PARD3: variants seen among roughly 807,000 people sequenced by gnomAD.
PARD3 encodes par-3 family cell polarity regulator, also known as partitioning defective 3 homolog.
PARD3 carries 75 observed loss-of-function variants against 155.4 expected under a neutral mutation model. The ratio of observed to expected loss-of-function variants is 0.48; its 90% confidence interval spans 0.40 to 0.58. The LOEUF is 0.58. Among genes scored for constraint, PARD3 ranks in the 20% least tolerant of loss-of-function variants. PARD3 has a pLI of 0.00. For missense variants in PARD3, 1,642 were observed against 1,721.7 expected, an observed-to-expected ratio of 0.95 and a Z score of 0.82; for synonymous variants, 576 against 610.5, an observed-to-expected ratio of 0.94 and a Z score of 0.83.
chr10:34,759,508 A>T (rs1837173202), intron 1 of PARD3, among the ~76,000 whole-genome samples: 1 of 152,214 alleles, frequency 6.6e-6, no homozygotes, highest in Admixed American at 6.5e-5. Context: ...AACTTCTAGA[A>T]CTTTCCACCT....
At chr10:34,456,346 G>C (rs553893575) in intron 4 of PARD3, among the ~76,000 whole-genome samples, 2 of 152,208 alleles carry the variant, frequency 1.3e-5, no homozygotes, top group South Asian at 4.2e-4. Flanking sequence ...GCCCAGGCTG[G>C]AGTGCAGTGG....
intron 5 of PARD3, among the ~76,000 whole-genome samples, chr10:34,414,486 C>T (rs373279918): frequency 7.9e-5 from 12 of 151,936 alleles, no homozygotes; most frequent in African/African-American, 2.7e-4. Context: ...GGTCAAAACC[C>T]TAAGGTTTCT....
At chr10:34,662,062 A>G (rs1457872067) in intron 2 of PARD3, among the ~76,000 whole-genome samples, 1 of 152,184 alleles carries the variant, frequency 6.6e-6, no homozygotes, top group Non-Finnish European at 1.5e-5. Context: ...GCAGGGAGCT[A>G]CTTAAGACAA....
intron 3 of PARD3, among the ~76,000 whole-genome samples, chr10:34,488,217 A>G (rs2079604560): frequency 6.6e-6 from 1 of 152,166 alleles, no homozygotes; most frequent in African/African-American, 2.4e-5. Flanking sequence ...CTCTACAACT[A>G]TGAGGTGTTA....
At chr10:34,793,500 G>A (rs537460973) in intron 1 of PARD3, among the ~76,000 whole-genome samples, 2 of 152,270 alleles carry the variant, frequency 1.3e-5, no homozygotes, top group South Asian at 4.2e-4. Context: ...AGTTTACTCT[G>A]GGAAGGCTGG....
intron 2 of PARD3, among the ~76,000 whole-genome samples, chr10:34,673,274 C>A (rs757315429): frequency 1.2e-4 from 18 of 152,116 alleles, no homozygotes; most frequent in Non-Finnish European, 1.8e-4. Context: ...AGCTTATTTG[C>A]CACAGATTAA....
At chr10:34,674,393 T>TA (rs2093664117) in intron 2 of PARD3, among the ~76,000 whole-genome samples, 1 of 151,636 alleles carries the variant, frequency 6.6e-6, no homozygotes, top group South Asian at 2.1e-4. Context: ...GCCTAGCGGG[T>TA]AGCCCTGCTC....
At position 34,601,099 on chromosome 10, in the gene PARD3, T is replaced by C. The variant is rs184398286; in HGVS notation, c.223-83940A>G. Reference sequence around the variant, plus strand: ...GTGCACGCATTACAGGCGTGAGCCATTGTGCCAAGCCTAAATTTTAATTTC... The same window carrying C: ...GTGCACGCATTACAGGCGTGAGCCACTGTGCCAAGCCTAAATTTTAATTTC... On this transcript the variant is annotated intron_variant, in intron 2 of 24. Coordinates refer to ENST00000374788, the MANE Select transcript of PARD3 (RefSeq NM_001184785.2). Among the ~76,000 whole-genome samples the C allele has an allele frequency of 6.1e-3, 903 of 148,542 alleles. 5 individuals carry two copies. Among genetic ancestry groups the C allele is most frequent in the African/African-American group, 0.021 (860 of 40,476 alleles).
chr10:34,750,502 CA>C (rs1327553116), intron 1 of PARD3, among the ~76,000 whole-genome samples: 28 of 150,054 alleles, frequency 1.9e-4, no homozygotes, highest in South Asian at 1.7e-3. Flanking sequence ...CACACACACA[CA>C]CACACACCCT....
chr10:34,327,970 C>G (rs1245675310), intron 19 of PARD3, among the ~76,000 whole-genome samples: 2 of 152,162 alleles, frequency 1.3e-5, no homozygotes, highest in African/African-American at 4.8e-5. Context: ...ACAGAGACAG[C>G]AAGTCCAGAG....
intron 1 of PARD3, among the ~76,000 whole-genome samples, chr10:34,727,874 TCCG>T (rs2094745390): frequency 9.9e-6 from 1 of 101,386 alleles, no homozygotes; most frequent in Non-Finnish European, 2.2e-5. Flanking sequence ...ACCCCCTCCC[TCCG>T]CCACACACAC....
At chr10:34,460,632 G>A (rs542244099) in intron 4 of PARD3, among the ~76,000 whole-genome samples, 50 of 152,190 alleles carry the variant, frequency 3.3e-4, no homozygotes, top group African/African-American at 1.2e-3. Context: ...AGGAGATCGA[G>A]ACCATCCTGA....
intron 22 of PARD3, among the ~76,000 whole-genome samples, chr10:34,144,953 A>T (rs1411677511): frequency 6.6e-6 from 1 of 151,986 alleles, no homozygotes; most frequent in Admixed American, 6.6e-5. Context: ...TAAAGCACAC[A>T]TTCGGTGGCT....
intron 21 of PARD3, among the ~76,000 whole-genome samples, chr10:34,271,950 G>A (rs1230565938): frequency 6.6e-6 from 1 of 152,138 alleles, no homozygotes; most frequent in Non-Finnish European, 1.5e-5. Flanking sequence ...AATCCCTAAC[G>A]AAACAAAACA....
At chr10:34,636,318 C>T (rs909700372) in intron 2 of PARD3, among the ~76,000 whole-genome samples, 3 of 152,166 alleles carry the variant, frequency 2.0e-5, no homozygotes, top group African/African-American at 4.8e-5. Context: ...TCTACTTTCC[C>T]TCTGTCATCC....
rs1195775641 is a variant in PARD3 at position 34,659,763 on chromosome 10, TAAA to T, written c.222+36552_222+36554del. Among the ~76,000 whole-genome samples the T allele has an allele frequency of 1.6e-4, 24 of 152,198 alleles. 1 individual carries two copies. The highest frequency in any genetic ancestry group is 2.9e-4 in the Non-Finnish European group (20 of 68,036). On this transcript the variant is annotated intron_variant, in intron 2 of 24. Transcript: ENST00000374788. The stretch of plus-strand genomic sequence containing the variant: ...TTCTAATTCATACCACCTGACTCAG[TAAA>T]GCCTTACTTCTCTTCTTCCTGTAGT...
chr10:34,324,172 G>T (rs927861385), intron 19 of PARD3, among the ~76,000 whole-genome samples: 1 of 152,200 alleles, frequency 6.6e-6, no homozygotes, highest in Non-Finnish European at 1.5e-5. Context: ...AATGTTTAGA[G>T]ATTATAAAAT....
At position 34,122,565 on chromosome 10, in the gene PARD3, T is replaced by C. The variant is rs75580889; in HGVS notation, c.3541-2825A>G. On this transcript the variant is annotated intron_variant, in intron 23 of 24. Coordinates refer to ENST00000374788, the MANE Select transcript of PARD3 (RefSeq NM_001184785.2). ...ACCAGGAAGAAACATAAACATTGGCTTCACCATTAATAGTTTACTCCATTT... is the reference window on the plus strand; with the variant it reads ...ACCAGGAAGAAACATAAACATTGGCCTCACCATTAATAGTTTACTCCATTT... 5.3e-3 allele frequency among the ~76,000 whole-genome samples: 813 copies of C among 152,298 alleles called. 3 individuals carry two copies. Among genetic ancestry groups the C allele is most frequent in the African/African-American group, 0.018 (733 of 41,558 alleles).
At chr10:34,127,829 T>C (rs1947368476) in intron 23 of PARD3, among the ~76,000 whole-genome samples, 1 of 142,050 alleles carries the variant, frequency 7.0e-6, no homozygotes, top group South Asian at 2.1e-4. Context: ...TGTGTAAATA[T>C]ACATAGTTAA....
Sources: allele counts gnomAD v4.1 joint callset (sites outside exome capture counted in the v4.1 genomes callset), GRCh38; gene constraint gnomAD v4.1.1; transcripts MANE v1.5; gene names NCBI Gene and HGNC (gene_info 2026-07-23, HGNC 2026-07-21).